Variants in ARIH1 observed in about 807,000 individuals in gnomAD.
ARIH1 encodes ariadne RBR E3 ubiquitin protein ligase 1, also known as E3 ubiquitin-protein ligase ARIH1.
A neutral mutation model predicts 85.0 loss-of-function variants in ARIH1; 8 were observed. That is an observed-to-expected ratio of 0.09 (90% CI 0.06 to 0.17). The LOEUF is 0.17. Ranked by LOEUF, ARIH1 falls within the 10% of genes least tolerant of loss-of-function variation. The pLI is 1.00. For synonymous variants in ARIH1, 238 were observed against 253.6 expected, an observed-to-expected ratio of 0.94 and a Z score of 0.59; for missense variants, 311 against 718.1, an observed-to-expected ratio of 0.43 and a Z score of 6.48.
intron 1 of ARIH1, among the ~76,000 whole-genome samples, chr15:72,483,608 T>G (rs1478102302): frequency 6.6e-6 from 1 of 152,208 alleles, no homozygotes; most frequent in African/African-American, 2.4e-5. Context: ...TATCCAATCT[T>G]TTTGTATGCT....
At chr15:72,524,725 C>A (rs2064019514) in intron 2 of ARIH1, among the ~76,000 whole-genome samples, 1 of 152,136 alleles carries the variant, frequency 6.6e-6, no homozygotes, top group Non-Finnish European at 1.5e-5. Context: ...AAAATTATCT[C>A]CAAACATTGA....
chr15:72,577,692 CAAAA>C (rs1310997350), intron 11 of ARIH1, among the ~76,000 whole-genome samples: 3 of 151,466 alleles, frequency 2.0e-5, no homozygotes, highest in Non-Finnish European at 3.0e-5. Context: ...AACAAACAAA[CAAAA>C]AAACGGATCA....
intron 10 of ARIH1, among the ~76,000 whole-genome samples, chr15:72,570,938 T>G (rs527585277): frequency 5.3e-5 from 8 of 152,040 alleles, no homozygotes; most frequent in African/African-American, 1.9e-4. Flanking sequence ...AGACCAGCCC[T>G]GACCAACATG....
chr15:72,554,700 T>C (rs2064167569), intron 3 of ARIH1, among the ~76,000 whole-genome samples: 1 of 152,184 alleles, frequency 6.6e-6, no homozygotes, highest in Admixed American at 6.5e-5. Flanking sequence ...TCTGTCTTTT[T>C]ATTATAGCTG....
At chr15:72,559,668 TA>T (rs2140431122) in intron 5 of ARIH1, among the ~76,000 whole-genome samples, 1 of 152,324 alleles carries the variant, frequency 6.6e-6, no homozygotes, top group East Asian at 1.9e-4. Context: ...TTAATCACCT[TA>T]TATCCGTTAA....
At chr15:72,526,313 A>G (rs2064028099) in intron 2 of ARIH1, among the ~76,000 whole-genome samples, 1 of 152,174 alleles carries the variant, frequency 6.6e-6, no homozygotes, top group African/African-American at 2.4e-5. Flanking sequence ...TGGTCCCCTG[A>G]GGGCAATAGA....
chr15:72,577,013 G>C (rs1328023762), intron 11 of ARIH1, among the ~76,000 whole-genome samples: 8 of 148,996 alleles, frequency 5.4e-5, no homozygotes, highest in Non-Finnish European at 1.2e-4. Flanking sequence ...GACGGAGTTT[G>C]CTCTTGTTAC....
Position 72,579,088 on chromosome 15 carries a change from T to G in ARIH1, c.1216-1643T>G, listed in dbSNP as rs572661640. 2.6e-5 allele frequency among the ~76,000 whole-genome samples: 4 copies of G among 152,294 alleles called. No homozygotes were observed. In the South Asian group the frequency reaches 8.3e-4, roughly 32 times the overall value. On this transcript the variant is annotated intron_variant, in intron 11 of 13. Transcript: ENST00000379887. Reference sequence around the variant, plus strand: ...CATGAGCCACCACACCCAGCCTATCTTAAATTTTCTTTTATAGTTGGTTCA... The same window carrying G: ...CATGAGCCACCACACCCAGCCTATCGTAAATTTTCTTTTATAGTTGGTTCA...
At position 72,552,775 on chromosome 15, in the gene ARIH1, C is replaced by CT. The variant is rs1298473872; in HGVS notation, c.589-2495dup. On this transcript the variant is annotated intron_variant, in intron 3 of 13. Coordinates refer to ENST00000379887, the MANE Select transcript of ARIH1 (RefSeq NM_005744.5). ...CAACAGGGATGGGAATGAGGGAGGCCTGTTTTTTTTTTTTTTTGAGACAGA... is the reference window on the plus strand; with the variant it reads ...CAACAGGGATGGGAATGAGGGAGGCCTTGTTTTTTTTTTTTTTTGAGACAGA... Among the ~76,000 whole-genome samples the CT allele has an allele frequency of 1.2e-4, 18 of 147,362 alleles. No homozygotes were observed. The South Asian group carries it at 1.7e-3, about 14-fold the overall frequency.
chr15:72,545,343 C>T (rs942823133), intron 3 of ARIH1, among the ~76,000 whole-genome samples: 4 of 152,126 alleles, frequency 2.6e-5, no homozygotes, highest in Non-Finnish European at 5.9e-5. Flanking sequence ...TCATAAAATA[C>T]CGTTAATACT....
At chr15:72,515,724 C>G (rs1229731771) in intron 1 of ARIH1, among the ~76,000 whole-genome samples, 1 of 152,166 alleles carries the variant, frequency 6.6e-6, no homozygotes. Context: ...TTTGGTTGAT[C>G]TAGCACTTGA....
chr15:72,558,299 T>G (rs1263835911), intron 5 of ARIH1, among the ~76,000 whole-genome samples: 1 of 152,158 alleles, frequency 6.6e-6, no homozygotes, highest in Non-Finnish European at 1.5e-5. Flanking sequence ...GATCGTATGG[T>G]TTTTAATTCT....
intron 7 of ARIH1, among the ~76,000 whole-genome samples, chr15:72,565,382 T>C (rs1472511272): frequency 6.6e-6 from 1 of 152,138 alleles, no homozygotes; most frequent in Non-Finnish European, 1.5e-5. Context: ...AGAAGCACCA[T>C]GGCCAGCCAG....
At chr15:72,564,588 T>C (rs1006122448) in intron 7 of ARIH1, among the ~76,000 whole-genome samples, 1 of 152,196 alleles carries the variant, frequency 6.6e-6, no homozygotes, top group African/African-American at 2.4e-5. Context: ...GCTTTCACAT[T>C]TTTGGTTTTG....
At chr15:72,482,047 GC>G (rs1399173420) in intron 1 of ARIH1, among the ~76,000 whole-genome samples, 1 of 152,054 alleles carries the variant, frequency 6.6e-6, no homozygotes, top group Non-Finnish European at 1.5e-5. Context: ...TGTTGGCCAG[GC>G]TGATCTCGAA....
intron 5 of ARIH1, among the ~76,000 whole-genome samples, chr15:72,558,562 A>G (rs1230188632): frequency 6.6e-6 from 1 of 152,200 alleles, no homozygotes; most frequent in Non-Finnish European, 1.5e-5. Context: ...TTGGCCTTCC[A>G]AAGTGCTAGG....
chr15:72,536,528 G>C (rs1214705793), intron 2 of ARIH1, among the ~76,000 whole-genome samples: 1 of 152,092 alleles, frequency 6.6e-6, no homozygotes, highest in Non-Finnish European at 1.5e-5. Context: ...AAAGCTGAAT[G>C]GGGGGGATGT....
intron 3 of ARIH1, among the ~76,000 whole-genome samples, chr15:72,549,034 C>T (rs781462255): frequency 6.6e-6 from 1 of 151,480 alleles, no homozygotes; most frequent in Non-Finnish European, 1.5e-5. Context: ...AATAGCTGTA[C>T]TGGCCCACCA....
At chr15:72,508,492 C>T (rs780510062) in intron 1 of ARIH1, among the ~76,000 whole-genome samples, 1 of 152,152 alleles carries the variant, frequency 6.6e-6, no homozygotes, top group Non-Finnish European at 1.5e-5. Context: ...ATCCTACTAG[C>T]CTATTTTATC....
Sources: gnomAD v4.1 joint callset for allele counts (sites outside exome capture counted in the v4.1 genomes callset) on GRCh38, gnomAD v4.1.1 for gene constraint, MANE v1.5 for transcripts, NCBI Gene and HGNC (gene_info 2026-07-23, HGNC 2026-07-21) for gene names.